Variants in DNAH6 observed in about 807,000 individuals in gnomAD.
DNAH6 encodes axonemal beta dynein heavy chain 6.
In DNAH6, 340 loss-of-function variants were observed where a neutral mutation model predicts 491.4. That is an observed-to-expected ratio of 0.69 (90% confidence interval 0.63 to 0.76). DNAH6 has a LOEUF of 0.76. Among genes scored for constraint, DNAH6 ranks in the 30% least tolerant of loss-of-function variants. DNAH6 has a pLI of 0.00. For synonymous variants in DNAH6, 1,603 were observed against 1,686.1 expected (o/e 0.95, Z 1.21); for missense variants, 4,443 against 4,972.2 (o/e 0.89, Z 3.20).
chr2:84,777,932 C>G, intron 64 of DNAH6: 1 of 1,055,082 alleles, frequency 9.5e-7, no homozygotes. Context: ...CAAATTAAGA[C>G]GGCTTTCTCC....
intron 68 of DNAH6, among the ~76,000 whole-genome samples, chr2:84,787,988 A>G (rs978771072): frequency 1.3e-5 from 2 of 152,204 alleles, no homozygotes; most frequent in Admixed American, 1.3e-4. Context: ...GATGATTTTC[A>G]TTGGCAAGTA....
At chr2:84,709,691 GTCCTAT>G in intron 55 of DNAH6, 145 bp downstream of exon 55, 1 of 893,124 alleles carries the variant, frequency 1.1e-6, no homozygotes, top group South Asian at 1.8e-5. Context: ...GAGTGTTAAA[GTCCTAT>G]AGTCCAAGTC....
chr2:84,649,337 G>A (rs1352831569), intron 33 of DNAH6, among the ~76,000 whole-genome samples: 5 of 152,090 alleles, frequency 3.3e-5, no homozygotes, highest in African/African-American at 9.7e-5. Flanking sequence ...GTAATACGAT[G>A]TTCATAATAG....
Position 84,819,564 on chromosome 2 carries a change from AGTGTTTGAGTTCTTTCT to A in DNAH6, c.*159_*175del. 1 of 510,220 alleles carries A rather than the reference AGTGTTTGAGTTCTTTCT, an allele frequency of 2.0e-6. No individual in the cohort carries two copies. Among genetic ancestry groups the A allele is most frequent in the East Asian group, 3.4e-5 (1 of 29,734 alleles). The allele number at this position is 510,220 out of a possible 1,614,324, so 31.6% of individuals were successfully genotyped here. On this transcript the variant is annotated 3_prime_UTR_variant, in exon 77 of 77. Coordinates refer to ENST00000389394, the MANE Select transcript of DNAH6 (RefSeq NM_001370.2). ...TATTTCTCTTATGACCTTAAAATAA[AGTGTTTGAGTTCTTTCT>A]GTTGGCAATCCAAGCTCTGCTGTAG...
the DNAH6 span, among the ~76,000 whole-genome samples, chr2:84,487,110 CA>C: frequency 6.6e-6 from 1 of 152,282 alleles, no homozygotes; most frequent in East Asian, 1.9e-4. Flanking sequence ...TTACCATAGA[CA>C]AAAAGAGTAA....
At chr2:84,481,319 T>C in the DNAH6 span, among the ~76,000 whole-genome samples, 1 of 151,874 alleles carries the variant, frequency 6.6e-6, no homozygotes, top group Non-Finnish European at 1.5e-5. Flanking sequence ...TGAGATGATA[T>C]CCATCCTTTA....
chr2:84,593,915 A>C (rs998859221), intron 16 of DNAH6, 57 bp from the exon 17 acceptor site: 18 of 996,366 alleles, frequency 1.8e-5, no homozygotes, highest in African/African-American at 8.1e-5. Context: ...GGAGAATAGC[A>C]TATGCTCATT....
intron 22 of DNAH6, among the ~76,000 whole-genome samples, chr2:84,616,280 T>C (rs1416390923): frequency 6.6e-6 from 1 of 152,122 alleles, no homozygotes; most frequent in East Asian, 1.9e-4. Flanking sequence ...CAGTGGAGTA[T>C]TGAAGTCCCC....
intron 40 of DNAH6, among the ~76,000 whole-genome samples, chr2:84,673,716 G>A (rs963412382): frequency 3.9e-5 from 6 of 152,304 alleles, no homozygotes; most frequent in Middle Eastern, 6.8e-3. Context: ...ATGTAGGCTG[G>A]GAGGAAGATG....
chr2:84,663,209 G>T (rs776826573), intron 37 of DNAH6, among the ~76,000 whole-genome samples: 14 of 152,184 alleles, frequency 9.2e-5, no homozygotes, highest in Non-Finnish European at 1.5e-4. Flanking sequence ...ACAGCTCCTC[G>T]CCAGCAATGG....
intron 38 of DNAH6, 30 bp downstream of exon 38, chr2:84,669,540 T>C: frequency 4.6e-6 from 7 of 1,518,858 alleles, no homozygotes; most frequent in Non-Finnish European, 6.3e-6. Flanking sequence ...CAAGAAGTCC[T>C]CTCCAAATGT....
chr2:84,717,017 C>T (rs1224415233), intron 58 of DNAH6, among the ~76,000 whole-genome samples: 14 of 152,174 alleles, frequency 9.2e-5, no homozygotes, highest in African/African-American at 3.4e-4. Context: ...TTGAACACCA[C>T]AGTTCACCTC....
chr2:84,486,641 T>C, the DNAH6 span, among the ~76,000 whole-genome samples: 1 of 152,224 alleles, frequency 6.6e-6, no homozygotes, highest in Non-Finnish European at 1.5e-5. Context: ...TCTCTGTTAG[T>C]TAATAGCTAA....
intron 63 of DNAH6, among the ~76,000 whole-genome samples, chr2:84,753,497 A>C (rs779935130): frequency 1.1e-4 from 16 of 151,946 alleles, no homozygotes; most frequent in Non-Finnish European, 1.9e-4. Flanking sequence ...TTTTCTTCTG[A>C]GAATTTAGCC....
chr2:84,799,131 G>A (rs979192943), intron 70 of DNAH6, among the ~76,000 whole-genome samples: 21 of 152,128 alleles, frequency 1.4e-4, no homozygotes, highest in African/African-American at 5.1e-4. Flanking sequence ...GGGATTACAG[G>A]TGGCTGTCAT....
chr2:84,605,901 T>C (rs566934582), intron 20 of DNAH6, among the ~76,000 whole-genome samples: 2 of 152,104 alleles, frequency 1.3e-5, no homozygotes, highest in South Asian at 4.1e-4. Context: ...AGACCAGTCA[T>C]AACAAGCTGG....
At chr2:84,553,419 TTCTTTC>T (rs1679680755) in intron 10 of DNAH6, among the ~76,000 whole-genome samples, 1 of 146,394 alleles carries the variant, frequency 6.8e-6, no homozygotes. Context: ...CTTTCTTTCT[TTCTTTC>T]TTTCTTTCTT....
rs1690655105 is a variant in DNAH6 at position 84,653,482 on chromosome 2, G to C, written c.5242G>C (p.Gly1748Arg). The C allele has an allele frequency of 6.4e-7, 1 of 1,551,262 alleles. No individual in the cohort carries two copies. The highest frequency in any genetic ancestry group is 8.7e-7 in the Non-Finnish European group (1 of 1,146,702). Residue 1748 changes from glycine (G) to arginine (R), a missense_variant, in exon 34 of 77, where the codon GGT (glycine) becomes CGT (arginine). Physicochemically the swap from Gly to Arg is moderately radical, Grantham distance 125. Around this residue, in one of 3 missense-constraint regions of DNAH6, gnomAD observed 2,977 missense variants for 3,296.6 expected, o/e 0.90. Coordinates refer to ENST00000389394, the MANE Select transcript of DNAH6 (RefSeq NM_001370.2). ...TTATGAAACTATGCTAGTAAGGCAT[G>C]GTGTTATGTTAGTCGGGCCAACAGG... ...QFYETMLVRH[G>R]VMLVGPTGGG...
chr2:84,571,886 C>T (rs556634112), intron 11 of DNAH6, among the ~76,000 whole-genome samples: 2 of 151,952 alleles, frequency 1.3e-5, no homozygotes, highest in East Asian at 3.9e-4. Context: ...CCACTGCACT[C>T]CAGCCTGGGT....
Sources: allele counts gnomAD v4.1 joint callset (sites outside exome capture counted in the v4.1 genomes callset), GRCh38; gene constraint gnomAD v4.1.1; regional missense constraint gnomAD v4.1.1; transcripts MANE v1.5; gene names NCBI Gene and HGNC (gene_info 2026-07-23, HGNC 2026-07-21).